The following ABLIM1 variants were observed in gnomAD, a reference collection of about 807,000 sequenced individuals.
ABLIM1 encodes actin binding LIM protein 1.
In ABLIM1, 40 loss-of-function variants were observed where a neutral mutation model predicts 107.0. The ratio of observed to expected loss-of-function variants is 0.37; its 90% CI spans 0.29 to 0.49. ABLIM1 has a LOEUF of 0.49. Among genes scored for constraint, ABLIM1 ranks in the 20% least tolerant of loss-of-function variants. The probability of loss-of-function intolerance (pLI) is 0.97; values close to 1 mark genes in which losing one functional copy is unlikely to be tolerated. For missense variants in ABLIM1, 857 were observed against 1,008.5 expected (o/e 0.85, Z 2.04); for synonymous variants, 357 against 357.3 (o/e 1.00, Z 0.01).
intron 1 of ABLIM1, among the ~76,000 whole-genome samples, chr10:114,729,711 T>C (rs1363610349): frequency 6.6e-6 from 1 of 152,150 alleles, no homozygotes; most frequent in Non-Finnish European, 1.5e-5. Context: ...CTGATGGTAC[T>C]GAAGTTTGCT....
chr10:114,670,097 T>C (rs1271583474), intron 1 of ABLIM1, among the ~76,000 whole-genome samples: 1 of 152,172 alleles, frequency 6.6e-6, no homozygotes, highest in South Asian at 2.1e-4. Context: ...GCAGAACTCA[T>C]GAACTAGATG....
chr10:114,501,792 A>G (rs1431021793), intron 6 of ABLIM1, among the ~76,000 whole-genome samples: 1 of 152,228 alleles, frequency 6.6e-6, no homozygotes, highest in Non-Finnish European at 1.5e-5. Context: ...ACGTCCCCCA[A>G]CAGAGTGGTG....
intron 2 of ABLIM1, among the ~76,000 whole-genome samples, chr10:114,584,438 A>C (rs1031309097): frequency 3.3e-5 from 5 of 152,146 alleles, no homozygotes; most frequent in Non-Finnish European, 5.9e-5. Flanking sequence ...CAAACCACCA[A>C]AAATTCCATT....
chr10:114,599,220 A>C (rs2139879756), intron 2 of ABLIM1, among the ~76,000 whole-genome samples: 1 of 152,398 alleles, frequency 6.6e-6, no homozygotes, highest in Non-Finnish European at 1.5e-5. Flanking sequence ...GATAGCAAGT[A>C]TTCTTAAAAT....
intron 1 of ABLIM1, among the ~76,000 whole-genome samples, chr10:114,726,530 C>A (rs1442314913): frequency 2.0e-5 from 3 of 152,100 alleles, no homozygotes; most frequent in African/African-American, 7.2e-5. Context: ...AGTTCACTCA[C>A]CACTATCACA....
intron 1 of ABLIM1, among the ~76,000 whole-genome samples, chr10:114,742,333 A>G (rs2082304310): frequency 6.6e-6 from 1 of 152,234 alleles, no homozygotes; most frequent in Non-Finnish European, 1.5e-5. Flanking sequence ...GCAAAATGCC[A>G]AAGTCTCTCT....
chr10:114,446,423 G>A (rs1256149876), intron 15 of ABLIM1, among the ~76,000 whole-genome samples: 1 of 152,194 alleles, frequency 6.6e-6, no homozygotes, highest in African/African-American at 2.4e-5. Context: ...CTGGAAAGGG[G>A]AGACAGGGAA....
chr10:114,590,064 T>G (rs2074686925), intron 2 of ABLIM1, among the ~76,000 whole-genome samples: 1 of 152,198 alleles, frequency 6.6e-6, no homozygotes, highest in Admixed American at 6.5e-5. Context: ...TAGATATGTT[T>G]AGATACACAA....
At chr10:114,679,931 C>T (rs542298954) in intron 1 of ABLIM1, among the ~76,000 whole-genome samples, 37 of 152,146 alleles carry the variant, frequency 2.4e-4, no homozygotes, top group Admixed American at 1.9e-3. Flanking sequence ...GTTGTTATCC[C>T]CTAATTTTGG....
chr10:114,576,526 G>A (rs1450001241), intron 2 of ABLIM1, among the ~76,000 whole-genome samples: 1 of 152,160 alleles, frequency 6.6e-6, no homozygotes, highest in African/African-American at 2.4e-5. Context: ...CAGTTGGGGT[G>A]GGGACAAGGT....
rs2067534078 is a variant in ABLIM1 at position 114,547,726 on chromosome 10, G to A, written c.724C>T (p.Leu242=). Residue 242 remains leucine (L), a synonymous_variant, in exon 5 of 23, where the codon CTG becomes TTG. Coordinates refer to ENST00000533213, the MANE Select transcript of ABLIM1 (RefSeq NM_002313.7). The stretch of plus-strand genomic sequence containing the variant: ...CACCCCAAGTGCCACTGCTTATCCA[G>A]CGCCAGCAGCGCCTGCCCATTCTTG... ...DIKNGQALLA[L]DKQWHLGCFK... is the part of the protein sequence containing the mutation. 2 of 1,613,136 alleles carry A rather than the reference G, an allele frequency of 1.2e-6. No homozygotes were observed. Among genetic ancestry groups the A allele is most frequent in the Non-Finnish European group, 1.7e-6 (2 of 1,180,040 alleles).
chr10:114,768,899 T>G (rs1478390168), upstream of ABLIM1, among the ~76,000 whole-genome samples: 2 of 152,030 alleles, frequency 1.3e-5, no homozygotes, highest in East Asian at 3.9e-4. Flanking sequence ...CAAAAACCTC[T>G]TAGTGCCCTG....
At chr10:114,602,429 T>C (rs1328823533) in intron 1 of ABLIM1, among the ~76,000 whole-genome samples, 1 of 152,236 alleles carries the variant, frequency 6.6e-6, no homozygotes. Context: ...CCCAGCTTCT[T>C]GGGACATAGC....
chr10:114,536,523 C>T (rs923782865), intron 6 of ABLIM1, among the ~76,000 whole-genome samples: 8 of 152,142 alleles, frequency 5.3e-5, no homozygotes, highest in Admixed American at 2.6e-4. Flanking sequence ...GCTGGGATTA[C>T]AGGCGTGAGC....
At chr10:114,524,500 A>G in intron 6 of ABLIM1, among the ~76,000 whole-genome samples, 1 of 152,180 alleles carries the variant, frequency 6.6e-6, no homozygotes, top group Admixed American at 6.5e-5. Flanking sequence ...AAGAAATGAA[A>G]GCATTCACTT....
chr10:114,578,651 C>G (rs909380387), intron 2 of ABLIM1, among the ~76,000 whole-genome samples: 1 of 152,004 alleles, frequency 6.6e-6, no homozygotes, highest in Non-Finnish European at 1.5e-5. Context: ...GGTGATCTGC[C>G]CAACTCGGCC....
At chr10:114,700,989 A>C (rs2081296893) in intron 1 of ABLIM1, among the ~76,000 whole-genome samples, 1 of 152,150 alleles carries the variant, frequency 6.6e-6, no homozygotes, top group Non-Finnish European at 1.5e-5. Context: ...TAAGAAAATA[A>C]ACAGGCAAAC....
At chr10:114,568,502 T>C (rs1034765475) in intron 4 of ABLIM1, among the ~76,000 whole-genome samples, 1 of 152,216 alleles carries the variant, frequency 6.6e-6, no homozygotes, top group South Asian at 2.1e-4. Context: ...AAACAAGTGT[T>C]TTCTAATTAT....
At chr10:114,646,126 T>G (rs2079004145) in intron 1 of ABLIM1, among the ~76,000 whole-genome samples, 1 of 152,204 alleles carries the variant, frequency 6.6e-6, no homozygotes. Context: ...TGTTGGGATT[T>G]GGAGGAGATT....
Sources: gnomAD v4.1 joint callset for allele counts (sites outside exome capture counted in the v4.1 genomes callset) on GRCh38, gnomAD v4.1.1 for gene constraint, MANE v1.5 for transcripts, NCBI Gene and HGNC (gene_info 2026-07-23, HGNC 2026-07-21) for gene names.